Variants in FAM24B observed in about 807,000 individuals in gnomAD.
The protein encoded by FAM24B is protein FAM24B.
In FAM24B, 3 loss-of-function variants were observed where a neutral mutation model predicts 2.3. That is an observed-to-expected ratio of 1.29 (90% CI 0.59 to 3.32). FAM24B has a LOEUF of 3.32. FAM24B is among the 30% of genes most tolerant of loss of function. The probability of loss-of-function intolerance (pLI) is 0.03; values close to 1 mark genes in which losing one functional copy is unlikely to be tolerated. For synonymous variants in FAM24B, 36 were observed against 46.3 expected (o/e 0.78, Z 0.90); for missense variants, 98 against 117.2 (o/e 0.84, Z 0.76).
chr10:122,871,233 T>C (rs1365147858), intron 1 of FAM24B, among the ~76,000 whole-genome samples: 6 of 151,838 alleles, frequency 4.0e-5, no homozygotes, highest in African/African-American at 9.7e-5. Context: ...TTACAAGGGA[T>C]GTGAAGGACC....
chr10:122,864,837 C>A (rs1490000736), intron 1 of FAM24B, among the ~76,000 whole-genome samples: 1 of 152,188 alleles, frequency 6.6e-6, no homozygotes, highest in Non-Finnish European at 1.5e-5. Context: ...CCTTTTAAGG[C>A]TAACTGGTTT....
intron 1 of FAM24B, among the ~76,000 whole-genome samples, chr10:122,861,099 G>A (rs1847719981): frequency 6.6e-6 from 1 of 151,886 alleles, no homozygotes; most frequent in Admixed American, 6.6e-5. Flanking sequence ...AAATGTCATT[G>A]CCAAACCCAC....
chr10:122,852,770 G>T (rs1487764834), intron 2 of FAM24B, among the ~76,000 whole-genome samples: 2 of 152,202 alleles, frequency 1.3e-5, no homozygotes, highest in Non-Finnish European at 2.9e-5. Flanking sequence ...CTTCTTTACA[G>T]CTTGGTAACA....
chr10:122,867,855 A>G (rs1227907415), intron 1 of FAM24B, among the ~76,000 whole-genome samples: 1 of 152,236 alleles, frequency 6.6e-6, no homozygotes, highest in East Asian at 1.9e-4. Flanking sequence ...ACAGAGCCGA[A>G]AAACCGGAAA....
In FAM24B at chr10:122,877,940, C is replaced by A. The variant is rs919305174; in HGVS notation, c.-178+1545G>T. On this transcript the variant is annotated intron_variant, in intron 1 of 3. Transcript: ENST00000368898. ...ACCTATACTCAATCTCTACTAGGCA[C>A]AAAACAATTCCTATTTTCAACAACT... 2.6e-5 allele frequency among the ~76,000 whole-genome samples: 4 copies of A among 152,166 alleles called. No individual in the cohort carries two copies. The South Asian group carries it at 6.2e-4, about 24-fold the overall frequency.
intron 1 of FAM24B, among the ~76,000 whole-genome samples, chr10:122,862,400 TAC>T (rs1186088659): frequency 6.6e-6 from 1 of 152,144 alleles, no homozygotes; most frequent in Non-Finnish European, 1.5e-5. Flanking sequence ...TCAGTAAGTA[TAC>T]ACATTTTAGA....
chr10:122,879,170 G>A (rs1314490894), intron 1 of FAM24B, among the ~76,000 whole-genome samples: 1 of 152,222 alleles, frequency 6.6e-6, no homozygotes, highest in South Asian at 2.1e-4. Flanking sequence ...ATCCAGCATA[G>A]TCCTGGCAAC....
chr10:122,874,035 A>C (rs572267532), intron 1 of FAM24B, among the ~76,000 whole-genome samples: 82 of 152,160 alleles, frequency 5.4e-4, no homozygotes, highest in Admixed American at 3.9e-4. Flanking sequence ...TATGGCCTAG[A>C]ATGTGCTCTA....
At chr10:122,850,339 C>A (rs1375302467) in intron 3 of FAM24B, 85 bp downstream of exon 3, 4 of 1,103,774 alleles carry the variant, frequency 3.6e-6, no homozygotes, top group Admixed American at 1.7e-5. Flanking sequence ...AACAGGAAGC[C>A]CAGGTATCCC....
In FAM24B at chr10:122,849,241, C is replaced by G. The variant is rs766777738; in HGVS notation, c.*6G>C. 2.4e-5 allele frequency: 37 copies of G among 1,540,738 alleles called. No homozygotes were observed. In the South Asian group the frequency reaches 4.6e-4, roughly 19 times the overall value. On this transcript the variant is annotated 3_prime_UTR_variant, in exon 4 of 4. Coordinates refer to ENST00000368898, the MANE Select transcript of FAM24B (RefSeq NM_152644.3). The stretch of plus-strand genomic sequence containing the variant: ...CATGAAGATTTTTGTGCCCACCTTT[C>G]CTAACTCAGAGGCCCTCATTTATGT...
chr10:122,861,697 G>C (rs1304592680), intron 1 of FAM24B, among the ~76,000 whole-genome samples: 1 of 152,112 alleles, frequency 6.6e-6, no homozygotes, highest in Non-Finnish European at 1.5e-5. Flanking sequence ...AACTTTTAGT[G>C]CTATTGTAAA....
chr10:122,861,448 C>T (rs1160335431), intron 1 of FAM24B, among the ~76,000 whole-genome samples: 1 of 152,072 alleles, frequency 6.6e-6, no homozygotes, highest in Non-Finnish European at 1.5e-5. Context: ...ATTCTAATTC[C>T]TTTGCCTCTT....
chr10:122,872,105 C>G (rs1336288721), intron 1 of FAM24B, among the ~76,000 whole-genome samples: 1 of 152,054 alleles, frequency 6.6e-6, no homozygotes, highest in Non-Finnish European at 1.5e-5. Flanking sequence ...AAAAAACAAC[C>G]CTATCAAAAA....
At chr10:122,863,484 G>C (rs940258445) in intron 1 of FAM24B, among the ~76,000 whole-genome samples, 7 of 152,298 alleles carry the variant, frequency 4.6e-5, no homozygotes, top group South Asian at 4.1e-4. Flanking sequence ...CTAGCAAACT[G>C]TATGTGCATT....
intron 1 of FAM24B, among the ~76,000 whole-genome samples, chr10:122,859,218 T>C (rs1028250388): frequency 2.6e-5 from 4 of 152,164 alleles, no homozygotes; most frequent in Admixed American, 6.5e-5. Context: ...ACACTCCAAA[T>C]AGGATGACAC....
intron 2 of FAM24B, among the ~76,000 whole-genome samples, chr10:122,854,434 T>A (rs1425983865): frequency 6.6e-6 from 1 of 152,160 alleles, no homozygotes; most frequent in Non-Finnish European, 1.5e-5. Context: ...GCTTCCCAAG[T>A]CCAATGCTCT....
intron 2 of FAM24B, among the ~76,000 whole-genome samples, chr10:122,851,603 C>A (rs561141127): frequency 1.3e-5 from 2 of 152,224 alleles, no homozygotes; most frequent in Non-Finnish European, 2.9e-5. Context: ...AATACTCAAT[C>A]TCCCCTTTTC....
rs1346277537 is a variant in FAM24B at position 122,849,354 on chromosome 10, T to C, written c.178A>G (p.Ile60Val). Residue 60 changes from isoleucine (I) to valine (V), a missense_variant, in exon 4 of 4, where the codon ATT (isoleucine) becomes GTT (valine). Physicochemically the swap from Ile to Val is conservative, Grantham distance 29. Coordinates refer to ENST00000368898, the MANE Select transcript of FAM24B (RefSeq NM_152644.3). ...WWAKNSQAKT[I>V]ATESCPALQC... ...AGGGCAGGACAAGACTCCGTGGCAA[T>C]GGTTTTGGCCTGGCTGTTCTTGGCC... 4 of 1,613,560 alleles carry C rather than the reference T, an allele frequency of 2.5e-6. No individual in the cohort carries two copies. Among genetic ancestry groups the C allele is most frequent in the Non-Finnish European group, 3.4e-6 (4 of 1,179,766 alleles).
chr10:122,859,591 G>A (rs961587169), intron 1 of FAM24B, among the ~76,000 whole-genome samples: 1 of 152,176 alleles, frequency 6.6e-6, no homozygotes, highest in Non-Finnish European at 1.5e-5. Context: ...AGGGTGCAAT[G>A]GCAGAGCCAT....
Sources: gnomAD v4.1 joint callset for allele counts (sites outside exome capture counted in the v4.1 genomes callset) on GRCh38, gnomAD v4.1.1 for gene constraint, MANE v1.5 for transcripts, NCBI Gene and HGNC (gene_info 2026-07-23, HGNC 2026-07-21) for gene names.